The following CDH12 variants were observed in gnomAD, a reference collection of about 807,000 sequenced individuals.
CDH12 encodes the protein cadherin-12.
A neutral mutation model predicts 74.1 loss-of-function variants in CDH12; 41 were observed. That is an observed-to-expected ratio of 0.55 (90% CI 0.43 to 0.72). The LOEUF (loss-of-function observed/expected upper bound fraction) is 0.72. CDH12 is among the 30% of genes least tolerant of loss of function. The pLI, the probability that CDH12 is intolerant of heterozygous loss-of-function variation, is 0.00. For missense variants in CDH12, 945 were observed against 977.2 expected (o/e 0.97, Z 0.44); for synonymous variants, 399 against 355.0 (o/e 1.12, Z -1.39).
rs1307815062 is a variant in CDH12 at position 22,764,797 on chromosome 5, G to A, written c.-523+88261C>T. Reference sequence around the variant, plus strand: ...CATGAGAAACTGAGAATCTCAAATTGTCAGACAATCTAGAAAATAATTTGC... The same window carrying A: ...CATGAGAAACTGAGAATCTCAAATTATCAGACAATCTAGAAAATAATTTGC... On this transcript the variant is annotated intron_variant, in intron 1 of 14. Transcript: ENST00000382254. 2.0e-5 allele frequency among the ~76,000 whole-genome samples: 3 copies of A among 152,074 alleles called. No individual in the cohort carries two copies. The East Asian group carries it at 5.8e-4, about 29-fold the overall frequency.
At chr5:22,131,528 T>C (rs2150287512) in intron 4 of CDH12, among the ~76,000 whole-genome samples, 1 of 152,244 alleles carries the variant, frequency 6.6e-6, no homozygotes, top group East Asian at 1.9e-4. Flanking sequence ...CAAAATTTAT[T>C]TCCTGAGTGA....
intron 1 of CDH12, among the ~76,000 whole-genome samples, chr5:22,514,546 A>C (rs1736731038): frequency 6.6e-6 from 1 of 152,172 alleles, no homozygotes; most frequent in Admixed American, 6.5e-5. Flanking sequence ...ATTAGAAAAC[A>C]AGTAAAGTTT....
chr5:22,604,206 G>T (rs1377676981), intron 1 of CDH12, among the ~76,000 whole-genome samples: 1 of 152,206 alleles, frequency 6.6e-6, no homozygotes, highest in African/African-American at 2.4e-5. Flanking sequence ...TAGGTGGTAA[G>T]TTTTCACAGG....
chr5:22,607,604 C>G (rs908564047), intron 1 of CDH12, among the ~76,000 whole-genome samples: 1 of 152,218 alleles, frequency 6.6e-6, no homozygotes, highest in African/African-American at 2.4e-5. Flanking sequence ...TCCCACAACA[C>G]GTGGGCATTC....
At chr5:22,429,930 A>G (rs1744098144) in intron 2 of CDH12, among the ~76,000 whole-genome samples, 1 of 152,206 alleles carries the variant, frequency 6.6e-6, no homozygotes, top group South Asian at 2.1e-4. Context: ...GTTGATGGCC[A>G]TATAATTAGA....
intron 2 of CDH12, among the ~76,000 whole-genome samples, chr5:22,502,262 T>G (rs1736199163): frequency 1.3e-5 from 2 of 152,080 alleles, no homozygotes; most frequent in Admixed American, 6.6e-5. Context: ...TCATGAGATC[T>G]GGTGGTTTTA....
chr5:22,822,639 T>C (rs1489059499), intron 1 of CDH12, among the ~76,000 whole-genome samples: 3 of 152,312 alleles, frequency 2.0e-5, no homozygotes, highest in African/African-American at 4.8e-5. Flanking sequence ...AAAATGCTCA[T>C]CATCACTTGC....
chr5:22,338,646 T>C (rs1200662731), intron 3 of CDH12, among the ~76,000 whole-genome samples: 1 of 152,164 alleles, frequency 6.6e-6, no homozygotes, highest in South Asian at 2.1e-4. Flanking sequence ...TTATTACGCA[T>C]TGCCTCCCTG....
intron 3 of CDH12, among the ~76,000 whole-genome samples, chr5:22,285,586 A>T (rs1305121724): frequency 6.6e-6 from 1 of 152,178 alleles, no homozygotes; most frequent in African/African-American, 2.4e-5. Context: ...CTCAGGTGGT[A>T]TCCACTAAAT....
intron 4 of CDH12, among the ~76,000 whole-genome samples, chr5:22,199,755 T>C (rs1454979857): frequency 6.6e-6 from 1 of 152,214 alleles, no homozygotes; most frequent in Non-Finnish European, 1.5e-5. Flanking sequence ...TTCTATTATG[T>C]TCCCCCTTGG....
At chr5:22,637,668 CA>C (rs1738912391) in intron 1 of CDH12, among the ~76,000 whole-genome samples, 1 of 152,190 alleles carries the variant, frequency 6.6e-6, no homozygotes, top group Non-Finnish European at 1.5e-5. Flanking sequence ...AACAAATTGA[CA>C]AACTGGTGTG....
intron 1 of CDH12, among the ~76,000 whole-genome samples, chr5:22,549,414 C>T (rs970051479): frequency 7.9e-5 from 12 of 151,932 alleles, no homozygotes; most frequent in African/African-American, 2.7e-4. Flanking sequence ...ATCATTGGAT[C>T]TCCCAACATT....
chr5:22,557,203 G>A (rs1738836701), intron 1 of CDH12, among the ~76,000 whole-genome samples: 2 of 151,984 alleles, frequency 1.3e-5, no homozygotes, highest in African/African-American at 2.4e-5. Context: ...AAATACATAC[G>A]TTTTCACATA....
chr5:21,770,967 A>G (rs80102428), intron 11 of CDH12, among the ~76,000 whole-genome samples: 4,754 of 152,204 alleles, frequency 0.031, 91 homozygotes, highest in Middle Eastern at 0.058. Context: ...AGAACAGACA[A>G]CCCAATGCCA....
chr5:21,898,362 T>C (rs1753220675), intron 6 of CDH12, among the ~76,000 whole-genome samples: 1 of 152,102 alleles, frequency 6.6e-6, no homozygotes, highest in Non-Finnish European at 1.5e-5. Flanking sequence ...GTGCTGGGAT[T>C]GCAGGCATGT....
intron 4 of CDH12, among the ~76,000 whole-genome samples, chr5:22,174,118 T>C (rs768093708): frequency 6.6e-6 from 1 of 151,998 alleles, no homozygotes; most frequent in African/African-American, 2.4e-5. Context: ...GTTAGTATTC[T>C]CATTCTATAG....
At chr5:22,545,385 T>C (rs1171717020) in intron 1 of CDH12, among the ~76,000 whole-genome samples, 2 of 152,182 alleles carry the variant, frequency 1.3e-5, no homozygotes, top group Admixed American at 6.5e-5. Flanking sequence ...CTTCAAGCCA[T>C]GAAATTGTTT....
chr5:22,606,978 G>C (rs984035699), intron 1 of CDH12, among the ~76,000 whole-genome samples: 1 of 152,168 alleles, frequency 6.6e-6, no homozygotes, highest in African/African-American at 2.4e-5. Context: ...CTGGAGAAAA[G>C]ATAACTCTTG....
At chr5:22,755,505 T>C (rs1745846779) in intron 1 of CDH12, among the ~76,000 whole-genome samples, 1 of 152,104 alleles carries the variant, frequency 6.6e-6, no homozygotes, top group Non-Finnish European at 1.5e-5. Flanking sequence ...TCATTTACTA[T>C]CACGAGCAAA....
Sources: allele counts gnomAD v4.1 joint callset (sites outside exome capture counted in the v4.1 genomes callset), GRCh38; gene constraint gnomAD v4.1.1; transcripts MANE v1.5; gene names NCBI Gene and HGNC (gene_info 2026-07-23, HGNC 2026-07-21).